Variants in UVRAG observed in about 807,000 individuals in gnomAD.
The protein encoded by UVRAG is UV radiation resistance-associated gene protein.
In UVRAG, 19 loss-of-function variants were observed where a neutral mutation model predicts 78.0. The observed-to-expected ratio is 0.24, with a 90% CI of 0.17 to 0.36. UVRAG has a LOEUF of 0.36. UVRAG is among the 10% of genes least tolerant of loss of function. The pLI, the probability that UVRAG is intolerant of heterozygous loss-of-function variation, is 1.00. For missense variants in UVRAG, 740 were observed against 853.8 expected, an observed-to-expected ratio of 0.87 and a Z score of 1.66; for synonymous variants, 323 against 324.6, an observed-to-expected ratio of 1.00 and a Z score of 0.05.
At chr11:76,120,162 G>T (rs1804167021) in intron 14 of UVRAG, among the ~76,000 whole-genome samples, 1 of 152,174 alleles carries the variant, frequency 6.6e-6, no homozygotes, top group African/African-American at 2.4e-5. Flanking sequence ...CAATGAATAG[G>T]CACCTTGGCT....
At chr11:76,071,917 T>C (rs181742577) in intron 13 of UVRAG, among the ~76,000 whole-genome samples, 112 of 152,268 alleles carry the variant, frequency 7.4e-4, no homozygotes, top group African/African-American at 2.6e-3. Flanking sequence ...AACCAAAAGA[T>C]CTTCTTTGCA....
chr11:75,966,276 G>A (rs1949021445), intron 7 of UVRAG, among the ~76,000 whole-genome samples: 1 of 151,622 alleles, frequency 6.6e-6, no homozygotes, highest in African/African-American at 2.4e-5. Flanking sequence ...CCTTCGTATT[G>A]TCTTGGATTT....
intron 6 of UVRAG, among the ~76,000 whole-genome samples, chr11:75,937,865 A>G (rs1398400451): frequency 6.6e-6 from 1 of 152,068 alleles, no homozygotes; most frequent in African/African-American, 2.4e-5. Context: ...CATGAACTCC[A>G]TCTAAATGTA....
intron 13 of UVRAG, among the ~76,000 whole-genome samples, chr11:76,069,509 A>C (rs1044820818): frequency 2.6e-5 from 4 of 152,224 alleles, no homozygotes; most frequent in African/African-American, 9.7e-5. Context: ...CCATAATTTC[A>C]GTTAGTTCAT....
intron 6 of UVRAG, among the ~76,000 whole-genome samples, chr11:75,913,417 A>T (rs975640992): frequency 6.6e-6 from 1 of 152,236 alleles, no homozygotes; most frequent in Non-Finnish European, 1.5e-5. Flanking sequence ...CTTGTGAAGC[A>T]GTGTGGTATC....
chr11:75,982,431 G>A (rs976639549), intron 7 of UVRAG, among the ~76,000 whole-genome samples: 6 of 149,616 alleles, frequency 4.0e-5, no homozygotes, highest in African/African-American at 1.5e-4. Context: ...CAGAAAGGAG[G>A]GTGGCCTCAT....
At chr11:76,081,368 A>G (rs1273557577) in intron 13 of UVRAG, among the ~76,000 whole-genome samples, 2 of 151,632 alleles carry the variant, frequency 1.3e-5, no homozygotes, top group African/African-American at 2.4e-5. Flanking sequence ...ACCACGCCCA[A>G]CTAGTTTTTA....
chr11:76,075,742 C>T (rs1951392462), intron 13 of UVRAG, among the ~76,000 whole-genome samples: 1 of 152,172 alleles, frequency 6.6e-6, no homozygotes, highest in Non-Finnish European at 1.5e-5. Flanking sequence ...GTAGTCATTC[C>T]TCATTCCCTC....
At chr11:76,004,269 C>T (rs1257634163) in intron 9 of UVRAG, among the ~76,000 whole-genome samples, 180 bp downstream of exon 9, 1 of 152,158 alleles carries the variant, frequency 6.6e-6, no homozygotes, top group Non-Finnish European at 1.5e-5. Flanking sequence ...TGCACTGTGC[C>T]AGAGGTCAGT....
At chr11:76,134,183 A>G (rs906757858) in intron 14 of UVRAG, among the ~76,000 whole-genome samples, 16 of 146,176 alleles carry the variant, frequency 1.1e-4, no homozygotes, top group Non-Finnish European at 1.8e-4. Context: ...CTGATCTCGA[A>G]CTCCTGACCT....
In UVRAG at chr11:76,141,290, T is replaced by C. The variant is rs774025792; in HGVS notation, c.1977T>C (p.Ser659=). 8.1e-6 allele frequency: 13 copies of C among 1,614,060 alleles called. No individual in the cohort carries two copies. In the East Asian group the frequency reaches 2.7e-4, roughly 33 times the overall value. The change falls in exon 15 of 15, where the codon AGT becomes AGC. Residue 659 remains serine, a synonymous_variant. Coordinates refer to ENST00000356136, the MANE Select transcript of UVRAG (RefSeq NM_003369.4). ...CATTTAACTGCATCCCAGTGGACAGTGCTGTGGCAGTAGAGTGTGACGAAC... is the reference window on the plus strand; with the variant it reads ...CATTTAACTGCATCCCAGTGGACAGCGCTGTGGCAGTAGAGTGTGACGAAC... The part of the protein sequence containing the change: ...LEAFNCIPVD[S]AVAVECDEQV...
intron 11 of UVRAG, among the ~76,000 whole-genome samples, chr11:76,010,363 G>A (rs1591128865): frequency 2.6e-5 from 4 of 152,292 alleles, no homozygotes; most frequent in East Asian, 3.9e-4. Flanking sequence ...TAAGTAACTA[G>A]CAAGTATTTA....
chr11:75,865,977 C>A (rs936644599), intron 3 of UVRAG, among the ~76,000 whole-genome samples: 2 of 151,908 alleles, frequency 1.3e-5, no homozygotes, highest in African/African-American at 4.8e-5. Context: ...GTAGTTTGGC[C>A]CAGGTGCAGT....
Position 76,007,585 on chromosome 11 carries a change from ACT to A in UVRAG, c.968_969del (p.Ser323Ter). ...AGTTGACAATTCGTTGCAGGCAGTT[ACT>A]CTCTGAGCTTTCCTACATTTACCCT... ...AQLTIRCRQL[L>X]SELSYIYPID... is the part of the protein sequence containing the mutation. On this transcript the variant is annotated frameshift_variant, in exon 10 of 15. Coordinates refer to ENST00000356136, the MANE Select transcript of UVRAG (RefSeq NM_003369.4). LOFTEE classifies it high-confidence loss of function. 6.2e-7 allele frequency: 1 copy of A among 1,613,826 alleles called. No homozygotes were observed. The highest frequency in any genetic ancestry group is 8.5e-7 in the Non-Finnish European group (1 of 1,179,946).
chr11:76,113,251 G>T (rs1952113268), intron 13 of UVRAG, among the ~76,000 whole-genome samples: 1 of 152,128 alleles, frequency 6.6e-6, no homozygotes, highest in African/African-American at 2.4e-5. Context: ...ATGAGGAAGG[G>T]AACTATGTGT....
chr11:76,128,029 C>T (rs1483429598), intron 14 of UVRAG, among the ~76,000 whole-genome samples: 1 of 152,076 alleles, frequency 6.6e-6, no homozygotes, highest in Non-Finnish European at 1.5e-5. Flanking sequence ...GGAATTAGTA[C>T]AAAAGCCACT....
In UVRAG at chr11:76,043,538, G is replaced by C. The variant is rs117395673; in HGVS notation, c.1227-22172G>C. On this transcript the variant is annotated intron_variant, in intron 12 of 14. Coordinates refer to ENST00000356136, the MANE Select transcript of UVRAG (RefSeq NM_003369.4). ...GTTCTAGAGGACACCCATATGTCTG[G>C]GTTAAAGTCTGTATTTTAAATTAGA... Among the ~76,000 whole-genome samples, 171 of 152,176 alleles carry C rather than the reference G, an allele frequency of 1.1e-3. 2 individuals carry two copies. In the East Asian group the frequency reaches 0.028, roughly 25 times the overall value.
At chr11:75,819,109 C>G (rs1945331214) in intron 1 of UVRAG, among the ~76,000 whole-genome samples, 2 of 152,178 alleles carry the variant, frequency 1.3e-5, no homozygotes, top group African/African-American at 4.8e-5. Context: ...ATTATTGACT[C>G]ATTTATTTCA....
intron 14 of UVRAG, among the ~76,000 whole-genome samples, chr11:76,127,231 G>A (rs912432703): frequency 6.6e-6 from 1 of 152,260 alleles, no homozygotes; most frequent in Admixed American, 6.5e-5. Flanking sequence ...AAGATGTGTT[G>A]AAAATGCAAG....
Sources: gnomAD v4.1 joint callset for allele counts (sites outside exome capture counted in the v4.1 genomes callset) on GRCh38, gnomAD v4.1.1 for gene constraint, MANE v1.5 for transcripts, NCBI Gene and HGNC (gene_info 2026-07-23, HGNC 2026-07-21) for gene names.